The following PALLD variants were observed in gnomAD, a reference collection of about 807,000 sequenced individuals.
The protein encoded by PALLD is palladin.
Under a neutral mutation model 123.5 loss-of-function variants are expected in PALLD, and 61 were observed. The ratio of observed to expected loss-of-function variants is 0.49; its 90% CI spans 0.40 to 0.61. The LOEUF (loss-of-function observed/expected upper bound fraction) is 0.61. PALLD is among the 20% of genes least tolerant of loss of function. PALLD has a pLI of 0.00. For missense variants in PALLD, 1,273 were observed against 1,377.0 expected (o/e 0.92, Z 1.20); for synonymous variants, 465 against 496.4 (o/e 0.94, Z 0.84).
chr4:168,906,941 C>T (rs1301982592), intron 15 of PALLD, among the ~76,000 whole-genome samples: 2 of 152,138 alleles, frequency 1.3e-5, no homozygotes, highest in African/African-American at 4.8e-5. Flanking sequence ...AGGGCAACAC[C>T]GATGATACTG....
chr4:168,533,361 A>G (rs1764779656), intron 2 of PALLD, among the ~76,000 whole-genome samples: 1 of 152,208 alleles, frequency 6.6e-6, no homozygotes, highest in South Asian at 2.1e-4. Context: ...AGAGGGGAAG[A>G]ACCTACAGTA....
At chr4:168,618,525 A>G (rs1234528941) in intron 2 of PALLD, among the ~76,000 whole-genome samples, 1 of 152,192 alleles carries the variant, frequency 6.6e-6, no homozygotes, top group African/African-American at 2.4e-5. Context: ...CGAAGCATCT[A>G]AAAAAATTTT....
chr4:168,759,967 T>C (rs977263141), intron 10 of PALLD, among the ~76,000 whole-genome samples: 4 of 151,896 alleles, frequency 2.6e-5, no homozygotes, highest in African/African-American at 9.7e-5. Flanking sequence ...AGCATGAGAA[T>C]TGCTGGAACC....
chr4:168,603,175 G>T (rs1199567190), intron 2 of PALLD, among the ~76,000 whole-genome samples: 1 of 152,148 alleles, frequency 6.6e-6, no homozygotes, highest in Non-Finnish European at 1.5e-5. Context: ...GACTGGCAAT[G>T]GAGAATTTTT....
Position 168,774,058 on chromosome 4 carries a change from G to C in PALLD, c.1964+62135G>C, listed in dbSNP as rs544354068. Among the ~76,000 whole-genome samples, 523 of 143,916 alleles carry C rather than the reference G, an allele frequency of 3.6e-3. 2 individuals are homozygous for C. The highest frequency in any genetic ancestry group is 5.8e-3 in the Non-Finnish European group (389 of 66,646). The allele number at this position is 143,916 out of a possible 152,430, so 94.4% of individuals were successfully genotyped here. ...ATGTGTCCCCTCCTCTCAAGCCACT[G>C]TTTTCTCTCTCTTTTTTTTTTTTTG... is the stretch of plus-strand genomic sequence containing the variant. On this transcript the variant is annotated intron_variant, in intron 10 of 21. Coordinates refer to ENST00000505667, the MANE Select transcript of PALLD (RefSeq NM_001166108.2).
At chr4:168,651,177 G>A (rs549748221) in intron 2 of PALLD, among the ~76,000 whole-genome samples, 18 of 152,206 alleles carry the variant, frequency 1.2e-4, no homozygotes, top group African/African-American at 3.1e-4. Context: ...GAATTATTGC[G>A]CAGGGATCAA....
chr4:168,813,846 C>T (rs539545577), intron 10 of PALLD, among the ~76,000 whole-genome samples: 2 of 110,956 alleles, frequency 1.8e-5, no homozygotes, highest in African/African-American at 5.9e-5. Flanking sequence ...ATTCATGAAG[C>T]TTTGGAAAGG....
intron 2 of PALLD, among the ~76,000 whole-genome samples, chr4:168,588,285 A>G (rs2319909): frequency 0.16 from 23,859 of 152,108 alleles, 2,138 homozygotes; most frequent in East Asian, 0.33. Flanking sequence ...AGAATTTTCA[A>G]ATGTTGAAGA....
intron 2 of PALLD, chr4:168,631,781 T>G: frequency 2.0e-6 from 2 of 985,428 alleles, no homozygotes. Context: ...TCCGTTGCAT[T>G]CTGCAAACGA....
At chr4:168,618,494 T>C (rs946164366) in intron 2 of PALLD, among the ~76,000 whole-genome samples, 4 of 152,176 alleles carry the variant, frequency 2.6e-5, no homozygotes, top group African/African-American at 9.7e-5. Flanking sequence ...CTCGTACAGG[T>C]AAGCCACCAG....
intron 4 of PALLD, 104 bp downstream of exon 4, chr4:168,681,502 G>T: frequency 8.5e-6 from 6 of 703,200 alleles, no homozygotes; most frequent in Non-Finnish European, 1.0e-5. Flanking sequence ...AAAGTCAACT[G>T]ATGTTAATCA....
chr4:168,531,059 CA>C (rs2149481540), intron 2 of PALLD, among the ~76,000 whole-genome samples: 1 of 152,198 alleles, frequency 6.6e-6, no homozygotes, highest in South Asian at 2.1e-4. Context: ...TCCCTTTTGT[CA>C]AATACCCTTA....
chr4:168,766,814 T>G (rs1428146619), intron 10 of PALLD, among the ~76,000 whole-genome samples: 1 of 152,236 alleles, frequency 6.6e-6, no homozygotes, highest in Non-Finnish European at 1.5e-5. Context: ...AAGTTGTTTT[T>G]CTACGTCTAG....
Position 168,690,606 on chromosome 4 carries a change from C to G in PALLD, c.1339C>G (p.Leu447Val). Residue 447 changes from leucine (L) to valine (V), a missense_variant, in exon 7 of 22, where the codon CTG becomes GTG. Physicochemically the swap from Leu to Val is conservative, Grantham distance 32. Transcript: ENST00000505667. ...AYFPPVFTKE[L>V]QNTAVAEGQV... ...CTTGAATTTCCTTGAATTTCAGGAA[C>G]TGCAAAACACAGCCGTGGCGGAAGG... is the stretch of plus-strand genomic sequence containing the variant. 6.2e-7 allele frequency: 1 copy of G among 1,614,198 alleles called. No homozygotes were observed. Among genetic ancestry groups the G allele is most frequent in the East Asian group, 2.2e-5 (1 of 44,882 alleles).
chr4:168,668,247 G>A lies in PALLD; in HGVS notation c.966G>A (p.Glu322=). The part of the protein sequence containing the change: ...HNTPDIQIHC[E]GGDLHTLIIA... ...CTCCTGATATTCAAATCCACTGTGA[G>A]GGAGGGGACCTCCATACCCTGATCA... The change falls in exon 3 of 22, where the codon GAG becomes GAA. Residue 322 remains glutamate, a synonymous_variant. Transcript: ENST00000505667. 1 of 1,614,084 alleles carries A rather than the reference G, an allele frequency of 6.2e-7. No individual in the cohort carries two copies. Among genetic ancestry groups the A allele is most frequent in the Non-Finnish European group, 8.5e-7 (1 of 1,179,918 alleles).
At chr4:168,729,395 C>T (rs1786926867) in intron 10 of PALLD, among the ~76,000 whole-genome samples, 1 of 151,940 alleles carries the variant, frequency 6.6e-6, no homozygotes, top group Non-Finnish European at 1.5e-5. Context: ...AACTCCTGGG[C>T]TCAAGCAGTC....
rs142649476 is a variant in PALLD, at chr4:168,633,537, A to G, written c.909-34653A>G. 3.7e-3 allele frequency among the ~76,000 whole-genome samples: 564 copies of G among 152,278 alleles called. 38 individuals carry two copies. The South Asian group carries it at 0.11, about 29-fold the overall frequency. On this transcript the variant is annotated intron_variant, in intron 2 of 21. Coordinates refer to ENST00000505667, the MANE Select transcript of PALLD (RefSeq NM_001166108.2). ...AGGAAAGAGACCTACTTTGATCACT[A>G]CAGTGTTTACATTTGTTGTTTATTT...
chr4:168,827,057 G>A (rs934876645), intron 10 of PALLD, among the ~76,000 whole-genome samples: 2 of 152,160 alleles, frequency 1.3e-5, no homozygotes, highest in Non-Finnish European at 2.9e-5. Context: ...TCCAACTGCA[G>A]ACCTGGTTGT....
chr4:168,650,150 G>A (rs1412549389), intron 2 of PALLD, among the ~76,000 whole-genome samples: 1 of 152,102 alleles, frequency 6.6e-6, no homozygotes, highest in Non-Finnish European at 1.5e-5. Flanking sequence ...CTCCAGCCTA[G>A]GCGACGAGAG....
Sources: allele counts gnomAD v4.1 joint callset (sites outside exome capture counted in the v4.1 genomes callset), GRCh38; gene constraint gnomAD v4.1.1; transcripts MANE v1.5; gene names NCBI Gene and HGNC (gene_info 2026-07-23, HGNC 2026-07-21).